PPP1R1C: variants seen among roughly 807,000 people sequenced by gnomAD.
The protein encoded by PPP1R1C is protein phosphatase 1 regulatory inhibitor subunit 1C.
PPP1R1C carries 15 observed loss-of-function variants against 17.4 expected under a neutral mutation model. That is an observed-to-expected ratio of 0.86 (90% CI 0.58 to 1.33). The LOEUF (loss-of-function observed/expected upper bound fraction) is 1.33. Ranked by LOEUF, PPP1R1C falls within the 40% of genes most tolerant of loss-of-function variation. The pLI is 0.00. For missense variants in PPP1R1C, 143 were observed against 130.0 expected (o/e 1.10, Z -0.48); for synonymous variants, 35 against 43.1 (o/e 0.81, Z 0.73).
chr2:182,097,180 T>C (rs541052665), intron 4 of PPP1R1C, among the ~76,000 whole-genome samples: 2 of 152,330 alleles, frequency 1.3e-5, no homozygotes, highest in African/African-American at 2.4e-5. Context: ...CTGGTCTTGA[T>C]TGGAGTTACA....
At chr2:182,084,183 A>G (rs1688563009) in intron 4 of PPP1R1C, among the ~76,000 whole-genome samples, 2 of 151,932 alleles carry the variant, frequency 1.3e-5, no homozygotes, top group Admixed American at 6.6e-5. Flanking sequence ...TGTTGGAAGC[A>G]CAGTTTGCAA....
chr2:181,962,440 G>C lies in PPP1R1C; in HGVS notation n.111+7806G>C. Reference sequence around the variant, plus strand: ...ACACCTGGACAGAGCCCAGGAACAGGTAGTTGGTGGAGAAGATGGAGCGAG... The same window carrying C: ...ACACCTGGACAGAGCCCAGGAACAGCTAGTTGGTGGAGAAGATGGAGCGAG... On this transcript the variant is annotated intron_variant and non_coding_transcript_variant, in intron 1 of 5. Transcript: ENST00000464264. This position sits in a 1 kb window ranked among gnomAD's most constrained non-coding sequence, Gnocchi z 6.0. The C allele has an allele frequency of 1.4e-6, 1 of 707,740 alleles. No homozygotes were observed. Among genetic ancestry groups the C allele is most frequent in the Non-Finnish European group, 2.6e-6 (1 of 381,182 alleles). 43.8% of individuals were successfully genotyped at this position (707,740 alleles called of 1,614,324 possible).
chr2:182,050,369 G>A (rs573024891), intron 2 of PPP1R1C, among the ~76,000 whole-genome samples: 6 of 152,126 alleles, frequency 3.9e-5, no homozygotes, highest in East Asian at 1.9e-4. Flanking sequence ...ATCTTGTACC[G>A]TTCTTTAAAA....
At chr2:182,117,873 T>A (rs1305794299), downstream of PPP1R1C, 1 of 152,154 alleles carries the variant, frequency 6.6e-6, no homozygotes, top group Non-Finnish European at 1.5e-5. Context: ...CTAAACATCT[T>A]TTTCCCACCA....
chr2:182,112,086 A>T (rs979927614), intron 4 of PPP1R1C, among the ~76,000 whole-genome samples: 3 of 152,174 alleles, frequency 2.0e-5, no homozygotes, highest in African/African-American at 7.2e-5. Context: ...TTCTTCACTG[A>T]ATTAGCTTCA....
upstream of PPP1R1C, among the ~76,000 whole-genome samples, chr2:181,982,362 A>G (rs760024522): frequency 1.1e-4 from 17 of 152,184 alleles, no homozygotes; most frequent in Non-Finnish European, 2.1e-4. Context: ...TGGAAAATTC[A>G]GTTTATTGGA....
At position 182,021,332 on chromosome 2, in the gene PPP1R1C, T is replaced by C. The variant is rs1365880937; in HGVS notation, c.142+33433T>C. On this transcript the variant is annotated intron_variant, in intron 2 of 4. Transcript: ENST00000682840. ...CTTTCTCTCTCTCTCTTTTTTTTTT[T>C]TTTTTTTTTTTTTTTTAATGGAGTC... 4.3e-4 allele frequency among the ~76,000 whole-genome samples: 59 copies of C among 138,360 alleles called. 1 individual carries two copies. Among genetic ancestry groups the C allele is most frequent in the Middle Eastern group, 3.5e-3 (1 of 282 alleles). 90.8% of individuals were successfully genotyped at this position (138,360 alleles called of 152,430 possible).
chr2:182,041,342 C>G (rs909561220), intron 2 of PPP1R1C, among the ~76,000 whole-genome samples: 1 of 152,174 alleles, frequency 6.6e-6, no homozygotes, highest in African/African-American at 2.4e-5. Flanking sequence ...GGCGTGGTAG[C>G]TCACGCCTGT....
intron 2 of PPP1R1C, among the ~76,000 whole-genome samples, chr2:182,029,022 C>G (rs1053630772): frequency 7.7e-5 from 11 of 142,562 alleles, no homozygotes; most frequent in South Asian, 4.8e-4. Flanking sequence ...TTATCAGAGA[C>G]TAGGATTGCA....
chr2:182,005,553 T>C (rs954154555), intron 2 of PPP1R1C, among the ~76,000 whole-genome samples: 17 of 152,212 alleles, frequency 1.1e-4, no homozygotes, highest in Admixed American at 2.6e-4. Context: ...AATATGGTTT[T>C]GGAATTTTGA....
chr2:182,010,426 T>C (rs1015117386), intron 2 of PPP1R1C, among the ~76,000 whole-genome samples: 8 of 152,050 alleles, frequency 5.3e-5, no homozygotes, highest in Admixed American at 1.3e-4. Context: ...TACAGATTGT[T>C]TACTGTTGCC....
chr2:182,006,921 A>T (rs1685940159), intron 2 of PPP1R1C, among the ~76,000 whole-genome samples: 1 of 152,144 alleles, frequency 6.6e-6, no homozygotes, highest in South Asian at 2.1e-4. Flanking sequence ...CAAAATGAAG[A>T]TGTAGTAGAT....
At chr2:182,073,295 T>A (rs1688193827) in intron 4 of PPP1R1C, among the ~76,000 whole-genome samples, 2 of 152,252 alleles carry the variant, frequency 1.3e-5, no homozygotes, top group Non-Finnish European at 2.9e-5. Flanking sequence ...TCCAGGAGCA[T>A]TCTGATCTGT....
intron 4 of PPP1R1C, among the ~76,000 whole-genome samples, chr2:182,099,885 G>T (rs1452255240): frequency 8.5e-5 from 13 of 152,152 alleles, no homozygotes; most frequent in Admixed American, 6.5e-4. Context: ...ACCAAGGAAA[G>T]TATGAAATCA....
At position 181,985,929 on chromosome 2, in the gene PPP1R1C, T is replaced by C; in HGVS notation, c.-182T>C. On this transcript the variant is annotated 5_prime_UTR_variant, in exon 1 of 5. An upstream start codon of the reference 5' UTR is lost. Coordinates refer to ENST00000682840, the MANE Select transcript of PPP1R1C (RefSeq NM_001080545.3). The surrounding 1 kb of genome is among the most constrained non-coding windows in gnomAD (Gnocchi z 4.1). ...CAGGCAAGCCAGGCATCACCGTGGATGTTGAAGAAGGGGGTTACTCAAACC... is the reference window on the plus strand; with the variant it reads ...CAGGCAAGCCAGGCATCACCGTGGACGTTGAAGAAGGGGGTTACTCAAACC... The C allele has an allele frequency of 1.6e-6, 1 of 614,710 alleles. No homozygotes were observed. The highest frequency in any genetic ancestry group is 2.9e-6 in the Non-Finnish European group (1 of 344,190). 38.1% of individuals were successfully genotyped at this position (614,710 alleles called of 1,614,324 possible).
chr2:182,006,380 A>G (rs1165210399), intron 2 of PPP1R1C, among the ~76,000 whole-genome samples: 1 of 152,216 alleles, frequency 6.6e-6, no homozygotes, highest in Non-Finnish European at 1.5e-5. Flanking sequence ...GATGAGAGAG[A>G]CTAAATGTGG....
chr2:181,977,924 A>G (rs751822555), intron 2 of PPP1R1C, among the ~76,000 whole-genome samples: 6 of 152,174 alleles, frequency 3.9e-5, no homozygotes, highest in Non-Finnish European at 8.8e-5. Flanking sequence ...AGGAATCAGC[A>G]TGTGACATCT....
intron 2 of PPP1R1C, among the ~76,000 whole-genome samples, chr2:182,034,729 G>A (rs1686951310): frequency 6.6e-6 from 1 of 152,194 alleles, no homozygotes; most frequent in Admixed American, 6.5e-5. Context: ...GCCACAAGTA[G>A]ATCCAGGTAT....
At chr2:182,114,494 C>T (rs894730088) in intron 4 of PPP1R1C, among the ~76,000 whole-genome samples, 2 of 152,130 alleles carry the variant, frequency 1.3e-5, no homozygotes, top group African/African-American at 4.8e-5. Flanking sequence ...TAGTCCTCAG[C>T]AGGCTTCTCA....
Sources: gnomAD v4.1 joint callset for allele counts (sites outside exome capture counted in the v4.1 genomes callset) on GRCh38, gnomAD v4.1.1 for gene constraint, Gnocchi (gnomAD v3.1) non-coding constraint, MANE v1.5 for transcripts, NCBI Gene and HGNC (gene_info 2026-07-23, HGNC 2026-07-21) for gene names.